CDK5RAP2: variants seen among roughly 807,000 people sequenced by gnomAD.
The protein encoded by CDK5RAP2 is CDK5 regulatory subunit associated protein 2.
Under a neutral mutation model 232.9 loss-of-function variants are expected in CDK5RAP2, and 147 were observed. The observed-to-expected ratio is 0.63, with a 90% CI of 0.55 to 0.72. The LOEUF is 0.72. Ranked by LOEUF, CDK5RAP2 falls within the 30% of genes least tolerant of loss-of-function variation. The pLI is 0.00. For synonymous variants in CDK5RAP2, 833 were observed against 833.7 expected (o/e 1.00, Z 0.01); for missense variants, 2,195 against 2,231.5 (o/e 0.98, Z 0.33).
chr9:120,535,322 T>G (rs1207987147), intron 7 of CDK5RAP2, among the ~76,000 whole-genome samples: 2 of 152,166 alleles, frequency 1.3e-5, no homozygotes, highest in Admixed American at 6.5e-5. Context: ...GCTCATCTGA[T>G]TTTCCAAGCA....
In CDK5RAP2 at chr9:120,539,298, T is replaced by C. The variant is rs371632004; in HGVS notation, c.384-134A>G. 80 of 1,076,114 alleles carry C rather than the reference T, an allele frequency of 7.4e-5. No individual in the cohort carries two copies. In the East Asian group the frequency reaches 2.0e-3, roughly 26 times the overall value. 66.7% of individuals were successfully genotyped at this position (1,076,114 alleles called of 1,614,324 possible). A position where few individuals can be genotyped will look rare whatever the true frequency, so the allele number is the denominator to read the frequency against. ...GTGCTGAGCTTCTTTTTCTTTAGCTTAATATTTATCATTTAAAAACACAGA... is the reference window on the plus strand; with the variant it reads ...GTGCTGAGCTTCTTTTTCTTTAGCTCAATATTTATCATTTAAAAACACAGA... On this transcript the variant is annotated intron_variant, in intron 5 of 37. Coordinates refer to ENST00000349780, the MANE Select transcript of CDK5RAP2 (RefSeq NM_018249.6).
At chr9:120,490,730 C>T (rs1186894398) in intron 13 of CDK5RAP2, among the ~76,000 whole-genome samples, 1 of 152,204 alleles carries the variant, frequency 6.6e-6, no homozygotes, top group Non-Finnish European at 1.5e-5. Flanking sequence ...CTGTTGACAA[C>T]TCACACTTGC....
At position 120,524,993 on chromosome 9, in the gene CDK5RAP2, T is replaced by C. The variant is rs2131882834; in HGVS notation, c.1085A>G (p.Glu362Gly). 1 of 1,613,374 alleles carries C rather than the reference T, an allele frequency of 6.2e-7. No individual in the cohort carries two copies. Among genetic ancestry groups the C allele is most frequent in the Middle Eastern group, 1.7e-4 (1 of 6,058 alleles). The change falls in exon 11 of 38, where the codon GAA becomes GGA. Residue 362 changes from glutamate to glycine, a missense_variant. Transcript: ENST00000349780. ...REALQKAQTQ[E>G]FQGSEDYETA... is the part of the protein sequence containing the mutation. Reference sequence around the variant, plus strand: ...AGCCAAGTGTACACTTACCTGAAATTCCTGGGTCTGTGCTTTCTGTAGGGC... The same window carrying C: ...AGCCAAGTGTACACTTACCTGAAATCCCTGGGTCTGTGCTTTCTGTAGGGC...
intron 12 of CDK5RAP2, among the ~76,000 whole-genome samples, chr9:120,509,344 A>C (rs1233861658): frequency 6.6e-6 from 1 of 152,206 alleles, no homozygotes; most frequent in Non-Finnish European, 1.5e-5. Context: ...CACACAATTA[A>C]AAGCAGGAAA....
At chr9:120,538,929 T>C (rs1588606573) in intron 6 of CDK5RAP2, 112 bp downstream of exon 6, 1 of 1,112,640 alleles carries the variant, frequency 9.0e-7, no homozygotes, top group East Asian at 2.4e-5. Flanking sequence ...TCAATAAGGG[T>C]AGCTGTTGTT....
Position 120,467,917 on chromosome 9 carries a change from G to A in CDK5RAP2, c.2049C>T (p.Cys683=). The stretch of plus-strand genomic sequence containing the variant: ...GAAACCCATTTCCCTGGAAACCCAT[G>A]CAGGAGAGATCAAAAATGGTTTTCT... ...HLKKTIFDLS[C]MGFQGNGFPD... Residue 683 remains cysteine, a synonymous_variant, in exon 18 of 38, where the codon TGC becomes TGT. Transcript: ENST00000349780. 1 of 1,614,124 alleles carries A rather than the reference G, an allele frequency of 6.2e-7. No homozygotes were observed. The highest frequency in any genetic ancestry group is 1.3e-5 in the African/African-American group (1 of 75,044).
intron 3 of CDK5RAP2, among the ~76,000 whole-genome samples, chr9:120,559,505 A>C (rs1431753283): frequency 6.7e-6 from 1 of 148,466 alleles, no homozygotes; most frequent in Non-Finnish European, 1.5e-5. Context: ...AAAAAAAAAA[A>C]AAAGAAAACA....
At chr9:120,409,422 C>A in intron 29 of CDK5RAP2, 106 bp from the exon 30 acceptor site, 1 of 875,016 alleles carries the variant, frequency 1.1e-6, no homozygotes, top group Non-Finnish European at 1.8e-6. Context: ...GAGATTCGAT[C>A]TGGCATTTAT....
chr9:120,434,802 C>T (rs1055370276), intron 25 of CDK5RAP2, among the ~76,000 whole-genome samples: 1 of 152,164 alleles, frequency 6.6e-6, no homozygotes, highest in African/African-American at 2.4e-5. Flanking sequence ...GAAAACTGAT[C>T]CTTGGATTTG....
chr9:120,420,086 A>C (rs2034477331), intron 26 of CDK5RAP2, 126 bp from the exon 27 acceptor site: 2 of 762,334 alleles, frequency 2.6e-6, no homozygotes, highest in Non-Finnish European at 4.6e-6. Context: ...CTTCAGTCAG[A>C]CCTTTTATTT....
chr9:120,565,733 C>T (rs972466922), intron 3 of CDK5RAP2, among the ~76,000 whole-genome samples: 2 of 152,164 alleles, frequency 1.3e-5, no homozygotes, highest in African/African-American at 4.8e-5. Flanking sequence ...CGTACCTGTC[C>T]CTGATGACCC....
intron 1 of CDK5RAP2, among the ~76,000 whole-genome samples, chr9:120,576,344 A>T (rs4837783): frequency 0.88 from 133,488 of 152,238 alleles, 59,128 homozygotes; most frequent in Non-Finnish European, 0.95. Context: ...AAAGAAAGTG[A>T]ACAAATGGCT....
At chr9:120,536,846 A>G (rs1798615780) in intron 6 of CDK5RAP2, among the ~76,000 whole-genome samples, 1 of 152,190 alleles carries the variant, frequency 6.6e-6, no homozygotes, top group African/African-American at 2.4e-5. Flanking sequence ...TAATAAACAT[A>G]CATAAATTCC....
intron 16 of CDK5RAP2, 96 bp downstream of exon 16, chr9:120,471,652 T>A (rs2037710730): frequency 6.4e-7 from 1 of 1,557,368 alleles, no homozygotes; most frequent in Admixed American, 1.7e-5. Context: ...CCGTGTATGC[T>A]TCATCCCTTA....
chr9:120,530,305 G>C (rs538311237), intron 7 of CDK5RAP2, among the ~76,000 whole-genome samples, 165 bp from the exon 8 acceptor site: 1 of 152,110 alleles, frequency 6.6e-6, no homozygotes, highest in Non-Finnish European at 1.5e-5. Flanking sequence ...GTCAGAATTC[G>C]TGTGACATTA....
intron 12 of CDK5RAP2, among the ~76,000 whole-genome samples, chr9:120,512,999 T>C (rs1056126926): frequency 2.6e-5 from 4 of 152,172 alleles, no homozygotes; most frequent in Non-Finnish European, 4.4e-5. Flanking sequence ...ATTTTGGACA[T>C]TGTTCTTACC....
chr9:120,415,284 C>T, intron 27 of CDK5RAP2, 125 bp from the exon 28 acceptor site: 2 of 1,073,020 alleles, frequency 1.9e-6, no homozygotes, highest in South Asian at 2.6e-5. Context: ...TAGCAACTGG[C>T]AATTCTTTCC....
chr9:120,424,329 T>C (rs3780677), intron 25 of CDK5RAP2, among the ~76,000 whole-genome samples: 6,641 of 152,254 alleles, frequency 0.044, 198 homozygotes, highest in African/African-American at 0.083. Flanking sequence ...TCTTGAAAGG[T>C]AGATAGAGGT....
intron 34 of CDK5RAP2, chr9:120,401,152 C>T: frequency 2.1e-6 from 1 of 465,770 alleles, no homozygotes; most frequent in South Asian, 2.2e-5. Context: ...ACTACAGTTA[C>T]TACTCCAAGT....
Sources: gnomAD v4.1 joint callset for allele counts (sites outside exome capture counted in the v4.1 genomes callset) on GRCh38, gnomAD v4.1.1 for gene constraint, MANE v1.5 for transcripts, NCBI Gene and HGNC (gene_info 2026-07-23, HGNC 2026-07-21) for gene names.